CCDC102B: variants seen among roughly 807,000 people sequenced by gnomAD.
CCDC102B encodes coiled-coil domain-containing protein 102B.
Under a neutral mutation model 57.4 loss-of-function variants are expected in CCDC102B, and 75 were observed. The observed-to-expected ratio is 1.31, with a 90% CI of 1.08 to 1.58. CCDC102B has a LOEUF of 1.58. Ranked by LOEUF, CCDC102B falls within the 40% of genes most tolerant of loss-of-function variation. The probability of loss-of-function intolerance (pLI) is 0.00; values close to 1 mark genes in which losing one functional copy is unlikely to be tolerated. For synonymous variants in CCDC102B, 206 were observed against 201.9 expected, an observed-to-expected ratio of 1.02 and a Z score of -0.17; for missense variants, 636 against 582.6, an observed-to-expected ratio of 1.09 and a Z score of -0.94.
chr18:68,867,691 T>G (rs2039055549), intron 4 of CCDC102B, among the ~76,000 whole-genome samples: 1 of 151,974 alleles, frequency 6.6e-6, no homozygotes, highest in African/African-American at 2.4e-5. Context: ...TCCCAGCACT[T>G]TGGGAGGCCG....
intron 5 of CCDC102B, among the ~76,000 whole-genome samples, chr18:68,880,367 C>G (rs574731106): frequency 6.6e-6 from 1 of 152,060 alleles, no homozygotes; most frequent in African/African-American, 2.4e-5. Context: ...GGTTCCTGCT[C>G]GTGCCTCTCC....
chr18:68,955,000 G>T (rs2049802004), intron 6 of CCDC102B, among the ~76,000 whole-genome samples: 1 of 152,140 alleles, frequency 6.6e-6, no homozygotes, highest in Non-Finnish European at 1.5e-5. Flanking sequence ...TATCTTGCCA[G>T]CTGTTAAATC....
At chr18:68,817,365 C>T (rs2036524878) in intron 1 of CCDC102B, among the ~76,000 whole-genome samples, 1 of 152,218 alleles carries the variant, frequency 6.6e-6, no homozygotes, top group Non-Finnish European at 1.5e-5. Flanking sequence ...CTTTCATAAA[C>T]ATAATGAACA....
Position 68,845,526 on chromosome 18 carries a change from G to A in CCDC102B, c.828-787G>A, listed in dbSNP as rs184743593. ...AGGAATGAGGAAAACAACTCTGTCC[G>A]TGGAAATGGAGGAATATCAATGAGT... On this transcript the variant is annotated intron_variant, in intron 3 of 7. Coordinates refer to ENST00000360242, the MANE Select transcript of CCDC102B (RefSeq NM_024781.3). Among the ~76,000 whole-genome samples the A allele has an allele frequency of 2.2e-4, 34 of 151,900 alleles. 1 individual carries two copies. Among genetic ancestry groups the A allele is most frequent in the South Asian group, 1.7e-3 (8 of 4,828 alleles).
chr18:68,775,880 C>T (rs992118259), intron 2 of CCDC102B, among the ~76,000 whole-genome samples: 8 of 152,076 alleles, frequency 5.3e-5, no homozygotes, highest in Non-Finnish European at 1.5e-5. Flanking sequence ...TCTCAATCTC[C>T]TGACCTCGTG....
chr18:68,748,556 C>T (rs2033720351), intron 2 of CCDC102B, among the ~76,000 whole-genome samples: 1 of 152,090 alleles, frequency 6.6e-6, no homozygotes, highest in Non-Finnish European at 1.5e-5. Flanking sequence ...GGATAGCAAC[C>T]TCCTCTATCA....
intron 2 of CCDC102B, among the ~76,000 whole-genome samples, chr18:68,732,765 A>C (rs977057349): frequency 1.3e-5 from 2 of 152,122 alleles, no homozygotes; most frequent in Admixed American, 6.6e-5. Context: ...TTCTCTTAAA[A>C]TTTTTAGGAT....
At chr18:68,933,259 T>C (rs889216194) in intron 6 of CCDC102B, among the ~76,000 whole-genome samples, 2 of 151,902 alleles carry the variant, frequency 1.3e-5, no homozygotes, top group Non-Finnish European at 2.9e-5. Context: ...CTGAATTGTT[T>C]ATCCACAACC....
At chr18:69,035,486 A>G (rs2052265112) in intron 7 of CCDC102B, among the ~76,000 whole-genome samples, 1 of 152,072 alleles carries the variant, frequency 6.6e-6, no homozygotes, top group South Asian at 2.1e-4. Flanking sequence ...AATTACGATA[A>G]TCTAATAGTT....
At chr18:68,974,585 T>C (rs1038715759) in intron 6 of CCDC102B, among the ~76,000 whole-genome samples, 2 of 152,134 alleles carry the variant, frequency 1.3e-5, no homozygotes, top group Non-Finnish European at 1.5e-5. Flanking sequence ...CTTAATCATA[T>C]AATGACTGAT....
At chr18:68,897,461 T>A (rs2040283386) in intron 6 of CCDC102B, 33 bp downstream of exon 6, 2 of 1,601,896 alleles carry the variant, frequency 1.2e-6, no homozygotes, top group South Asian at 2.2e-5. Context: ...ATTCTCACTG[T>A]CTAATCTCAC....
At chr18:68,865,131 A>T (rs976704751) in intron 4 of CCDC102B, among the ~76,000 whole-genome samples, 1 of 152,078 alleles carries the variant, frequency 6.6e-6, no homozygotes, top group Non-Finnish European at 1.5e-5. Context: ...TCACTCACAA[A>T]TCAGGTTGTG....
In CCDC102B at chr18:68,741,832, G is replaced by A. The variant is rs573534812; in HGVS notation, c.-67+25238G>A. ...AGAACAGACAAAGTTGTTGGGCCTGGGGTTTTTACTGAGGTCAGTGATGGG... is the reference window on the plus strand; with the variant it reads ...AGAACAGACAAAGTTGTTGGGCCTGAGGTTTTTACTGAGGTCAGTGATGGG... On this transcript the variant is annotated intron_variant, in intron 2 of 3. Transcript: ENST00000578970. Among the ~76,000 whole-genome samples the A allele has an allele frequency of 3.3e-5, 5 of 152,236 alleles. No individual in the cohort carries two copies. In the East Asian group the frequency reaches 7.8e-4, roughly 24 times the overall value.
At chr18:68,752,183 C>T (rs1252143422) in intron 2 of CCDC102B, among the ~76,000 whole-genome samples, 2 of 152,004 alleles carry the variant, frequency 1.3e-5, no homozygotes, top group Admixed American at 1.3e-4. Context: ...TCAGTGGAAC[C>T]CGGGAAGCAG....
At chr18:68,959,032 A>G (rs1460334593) in intron 6 of CCDC102B, among the ~76,000 whole-genome samples, 1 of 152,084 alleles carries the variant, frequency 6.6e-6, no homozygotes, top group Admixed American at 6.6e-5. Context: ...TAGTGAGGTC[A>G]TGTTTTCTTG....
intron 4 of CCDC102B, among the ~76,000 whole-genome samples, chr18:68,873,314 G>T (rs531860959): frequency 6.6e-6 from 1 of 152,174 alleles, no homozygotes; most frequent in East Asian, 1.9e-4. Flanking sequence ...GGGAAATCAG[G>T]CTTCTACCAT....
intron 6 of CCDC102B, among the ~76,000 whole-genome samples, chr18:69,004,969 G>C (rs2051302041): frequency 6.6e-6 from 1 of 152,160 alleles, no homozygotes; most frequent in Admixed American, 6.5e-5. Context: ...CTGCCACCAA[G>C]TATAATAAAT....
intron 5 of CCDC102B, among the ~76,000 whole-genome samples, chr18:68,888,477 C>A (rs552160358): frequency 8.2e-4 from 125 of 152,074 alleles, no homozygotes; most frequent in Non-Finnish European, 2.1e-4. Flanking sequence ...GGATTTTCTC[C>A]CGCTATTGAC....
intron 6 of CCDC102B, among the ~76,000 whole-genome samples, chr18:68,953,494 C>A (rs1256886844): frequency 6.8e-6 from 1 of 146,810 alleles, no homozygotes; most frequent in Admixed American, 6.9e-5. Context: ...TTTATGTTTT[C>A]TTTCCAGAAA....
Sources: gnomAD v4.1 joint callset for allele counts (sites outside exome capture counted in the v4.1 genomes callset) on GRCh38, gnomAD v4.1.1 for gene constraint, MANE v1.5 for transcripts, NCBI Gene and HGNC (gene_info 2026-07-23, HGNC 2026-07-21) for gene names.